The following HDAC4 variants were observed in gnomAD, a reference collection of about 807,000 sequenced individuals.
HDAC4 encodes the protein histone deacetylase 4.
In HDAC4, 16 loss-of-function variants were observed where a neutral mutation model predicts 135.1. The observed-to-expected ratio is 0.12, with a 90% CI of 0.08 to 0.18. HDAC4 has a LOEUF of 0.18. Among genes scored for constraint, HDAC4 ranks in the 10% least tolerant of loss-of-function variants. HDAC4 has a pLI of 1.00. For missense variants in HDAC4, 1,143 were observed against 1,511.8 expected (o/e 0.76, Z 4.05); for synonymous variants, 685 against 653.4 (o/e 1.05, Z -0.74).
chr2:239,122,758 TTTC>T (rs2039803231), intron 12 of HDAC4, among the ~76,000 whole-genome samples: 1 of 152,342 alleles, frequency 6.6e-6, no homozygotes, highest in East Asian at 1.9e-4. Context: ...GCCGCCTCTC[TTTC>T]TTTTTTATTC....
intron 2 of HDAC4, among the ~76,000 whole-genome samples, chr2:239,293,759 C>A (rs759392746): frequency 6.6e-5 from 10 of 152,236 alleles, no homozygotes; most frequent in Admixed American, 1.3e-4. Flanking sequence ...GCACCCTATA[C>A]TGGGAGGCTA....
chr2:239,282,056 C>T (rs1335960528), intron 2 of HDAC4, among the ~76,000 whole-genome samples: 1 of 151,002 alleles, frequency 6.6e-6, no homozygotes, highest in Admixed American at 6.6e-5. Flanking sequence ...CTACAATTTA[C>T]CCACCACTCT....
chr2:239,185,568 G>A (rs115273899), intron 4 of HDAC4, among the ~76,000 whole-genome samples: 225 of 152,178 alleles, frequency 1.5e-3, no homozygotes, highest in Middle Eastern at 3.4e-3. Context: ...CCTGAGGTGG[G>A]TGCCGGGGCC....
Position 239,320,243 on chromosome 2 carries a change from G to A in HDAC4, c.22+32435C>T, listed in dbSNP as rs984404472. Reference sequence around the variant, plus strand: ...ACTTAAAATACAAAAGTTAGCTGGCGTGGTGGGAGGCGCCTGTAATCCCAG... The same window carrying A: ...ACTTAAAATACAAAAGTTAGCTGGCATGGTGGGAGGCGCCTGTAATCCCAG... On this transcript the variant is annotated intron_variant, in intron 2 of 26. Coordinates refer to ENST00000543185, the MANE Select transcript of HDAC4 (RefSeq NM_001378414.1). Among the ~76,000 whole-genome samples the A allele has an allele frequency of 1.1e-3, 166 of 151,496 alleles. 4 individuals are homozygous for A. The highest frequency in any genetic ancestry group is 3.4e-3 in the Middle Eastern group (1 of 294).
chr2:239,124,482 AATGACATTCCGGCGTGTGGCCACGTTAT>A (rs552984072), intron 12 of HDAC4, among the ~76,000 whole-genome samples: 4 of 152,306 alleles, frequency 2.6e-5, no homozygotes, highest in South Asian at 4.1e-4. Context: ...TTTATGGCTG[AATGACATTCCGGCGTGTGGCCACGTTAT>A]ATGACATTCC....
At chr2:239,300,639 C>T (rs2052196574) in intron 2 of HDAC4, among the ~76,000 whole-genome samples, 1 of 152,140 alleles carries the variant, frequency 6.6e-6, no homozygotes, top group African/African-American at 2.4e-5. Context: ...TGGATGAAGC[C>T]AGGCTGAGCT....
intron 1 of HDAC4, among the ~76,000 whole-genome samples, chr2:239,363,757 A>T (rs1181406706): frequency 6.6e-6 from 1 of 152,266 alleles, no homozygotes; most frequent in Non-Finnish European, 1.5e-5. Context: ...ACACTCATTT[A>T]TCAAAAGATG....
Position 239,082,087 on chromosome 2 carries a change from A to G in HDAC4, c.2652+15T>C, listed in dbSNP as rs2035395793. On this transcript the variant is annotated intron_variant, in intron 21 of 26. Transcript: ENST00000543185. The stretch of plus-strand genomic sequence containing the variant: ...TCCCCCTTTCCCCCCAGAGGCCCTT[A>G]TATACCCCACCTACCTCATCAGGAG... The G allele has an allele frequency of 6.2e-7, 1 of 1,611,220 alleles. No homozygotes were observed. Among genetic ancestry groups the G allele is most frequent in the Non-Finnish European group, 8.5e-7 (1 of 1,178,572 alleles).
chr2:239,244,668 C>A lies in HDAC4; in HGVS notation c.23-8004G>T, dbSNP rs542861245. Among the ~76,000 whole-genome samples, 20 of 152,270 alleles carry A rather than the reference C, an allele frequency of 1.3e-4. No homozygotes were observed. The South Asian group carries it at 4.1e-3, about 32-fold the overall frequency. On this transcript the variant is annotated intron_variant, in intron 2 of 26. Coordinates refer to ENST00000543185, the MANE Select transcript of HDAC4 (RefSeq NM_001378414.1). ...ACAAGGTCAGCCAAATACTCAAATT[C>A]CCCCTAGGTCCTTCCCCTGACCTGA...
At chr2:239,056,338 G>A (rs981025545) in intron 24 of HDAC4, among the ~76,000 whole-genome samples, 2 of 152,196 alleles carry the variant, frequency 1.3e-5, no homozygotes, top group African/African-American at 2.4e-5. Flanking sequence ...GAACAGCTCG[G>A]TCCAAGGCTG....
intron 22 of HDAC4, 22 bp downstream of exon 22, chr2:239,081,073 C>G: frequency 6.4e-7 from 1 of 1,566,906 alleles, no homozygotes; most frequent in East Asian, 2.2e-5. Context: ...CTTCAGGTGT[C>G]ATGTGAAGCC....
intron 2 of HDAC4, among the ~76,000 whole-genome samples, chr2:239,247,539 G>A (rs2048537736): frequency 6.6e-6 from 1 of 152,228 alleles, no homozygotes; most frequent in Admixed American, 6.5e-5. Context: ...CTCCACGCCA[G>A]GGCATCTGAG....
chr2:239,055,483 G>A lies in HDAC4; in HGVS notation c.3004-650C>T, dbSNP rs555131653. 1.3e-3 allele frequency: 202 copies of A among 157,322 alleles called. 1 individual carries two copies. The highest frequency in any genetic ancestry group is 4.5e-3 in the African/African-American group (188 of 41,590). The allele number at this position is 157,322 out of a possible 1,614,324, so 9.7% of individuals were successfully genotyped here. A position where few individuals can be genotyped will look rare whatever the true frequency, so the allele number is the denominator to read the frequency against. ...TGTAATCCCAGTACTTTGGGAGGCCGAGGCGGGTGGATCACTTGAGGTCAG... is the reference window on the plus strand; with the variant it reads ...TGTAATCCCAGTACTTTGGGAGGCCAAGGCGGGTGGATCACTTGAGGTCAG... On this transcript the variant is annotated intron_variant, in intron 24 of 26. Transcript: ENST00000543185.
chr2:239,061,632 G>C (rs962794567), intron 24 of HDAC4, among the ~76,000 whole-genome samples: 4 of 152,176 alleles, frequency 2.6e-5, no homozygotes, highest in Admixed American at 1.3e-4. Flanking sequence ...GTCAGTGTGA[G>C]AGGAAGAGTG....
chr2:239,283,961 G>A (rs1457578265), intron 2 of HDAC4, among the ~76,000 whole-genome samples: 1 of 152,252 alleles, frequency 6.6e-6, no homozygotes, highest in Non-Finnish European at 1.5e-5. Flanking sequence ...TGCTGCCTCG[G>A]GATCTACAGC....
intron 24 of HDAC4, among the ~76,000 whole-genome samples, chr2:239,055,803 C>A (rs906352290): frequency 6.6e-5 from 10 of 151,728 alleles, no homozygotes; most frequent in African/African-American, 1.9e-4. Context: ...GAAGAGCCCA[C>A]AAAACCAGGG....
chr2:239,187,614 CG>C (rs940421034), intron 4 of HDAC4, among the ~76,000 whole-genome samples: 13 of 152,306 alleles, frequency 8.5e-5, no homozygotes, highest in African/African-American at 2.4e-4. Context: ...TGGTCAGGGC[CG>C]TGAGGGAGGC....
rs573760190 is a variant in HDAC4 at position 239,071,075 on chromosome 2, G to A, written c.2751-2468C>T. Among the ~76,000 whole-genome samples the A allele has an allele frequency of 3.9e-5, 6 of 152,190 alleles. No individual in the cohort carries two copies. The East Asian group carries it at 1.2e-3, about 29-fold the overall frequency. ...TCAAAGCTCTTGCAAAGGTTTTCTA[G>A]TTTAATGGAGTGAGCAGAAGCATTG... On this transcript the variant is annotated intron_variant, in intron 22 of 26. Transcript: ENST00000543185.
chr2:239,359,434 G>C (rs1387975710), intron 1 of HDAC4, among the ~76,000 whole-genome samples: 1 of 152,220 alleles, frequency 6.6e-6, no homozygotes, highest in Non-Finnish European at 1.5e-5. Context: ...ATGAACAAGA[G>C]GGCTTCTCAG....
Sources: allele counts gnomAD v4.1 joint callset (sites outside exome capture counted in the v4.1 genomes callset), GRCh38; gene constraint gnomAD v4.1.1; transcripts MANE v1.5; gene names NCBI Gene and HGNC (gene_info 2026-07-23, HGNC 2026-07-21).